The following LTBP1 variants were observed in gnomAD, a reference collection of about 807,000 sequenced individuals.
The protein encoded by LTBP1 is latent transforming growth factor beta binding protein 1.
A neutral mutation model predicts 207.6 loss-of-function variants in LTBP1; 129 were observed. That is an observed-to-expected ratio of 0.62 (90% CI 0.54 to 0.72). The LOEUF (loss-of-function observed/expected upper bound fraction) is 0.72. LTBP1 is among the 30% of genes least tolerant of loss of function. The pLI is 0.00. For missense variants in LTBP1, 2,281 were observed against 2,217.2 expected (o/e 1.03, Z -0.58); for synonymous variants, 963 against 833.7 (o/e 1.16, Z -2.67).
chr2:33,324,394 G>A (rs2094398928), intron 24 of LTBP1, among the ~76,000 whole-genome samples: 1 of 151,640 alleles, frequency 6.6e-6, no homozygotes, highest in Admixed American at 6.6e-5. Context: ...ATGTATGTAT[G>A]TATGTATGTA....
chr2:33,010,976 C>A lies in LTBP1; in HGVS notation c.566-9933C>A, dbSNP rs535776715. On this transcript the variant is annotated intron_variant, in intron 2 of 33. Coordinates refer to ENST00000404816, the MANE Select transcript of LTBP1 (RefSeq NM_206943.4). The stretch of plus-strand genomic sequence containing the variant: ...CCCGTGATCTGCCTGCCTCGACCTC[C>A]CAAGGTGCTGGAATTACAGGGGTGA... Among the ~76,000 whole-genome samples, 4 of 152,230 alleles carry A rather than the reference C, an allele frequency of 2.6e-5. No individual in the cohort carries two copies. The East Asian group carries it at 7.7e-4, about 29-fold the overall frequency.
chr2:33,320,010 G>A (rs2094331072), intron 24 of LTBP1, among the ~76,000 whole-genome samples: 2 of 152,174 alleles, frequency 1.3e-5, no homozygotes. Context: ...CCTTGTCAGT[G>A]AAGAACAGCA....
chr2:33,290,869 A>G (rs1225125885), intron 19 of LTBP1, among the ~76,000 whole-genome samples: 8 of 152,248 alleles, frequency 5.3e-5, no homozygotes. Context: ...AGCTGGATGC[A>G]TGCTTCTACA....
intron 31 of LTBP1, among the ~76,000 whole-genome samples, chr2:33,374,711 T>TG (rs1234785648): frequency 6.6e-6 from 1 of 152,184 alleles, no homozygotes; most frequent in Non-Finnish European, 1.5e-5. Flanking sequence ...CCTCAGCACT[T>TG]GGGAGGCCAA....
rs543773442 is a variant in LTBP1 at position 33,365,413 on chromosome 2, G to T, written c.4621G>T (p.Val1541Leu). ...SDEYVCSRPL[V>L]GKQTTYTECC... ...TGAATACGTGTGTAGCCGGCCTCTT[G>T]TGGGCAAGCAGACAACGTACACTGA... The change falls in exon 31 of 34, where the codon GTG becomes TTG. Residue 1541 changes from valine to leucine, a missense_variant. By Grantham distance (32) the Val-to-Leu change is conservative (BLOSUM62 1). This residue lies in a region of LTBP1 where 1,671 missense variants were observed against 1,634.8 expected (regional missense o/e 1.02). Coordinates refer to ENST00000404816, the MANE Select transcript of LTBP1 (RefSeq NM_206943.4). 6.2e-7 allele frequency: 1 copy of T among 1,614,204 alleles called. No homozygotes were observed. Among genetic ancestry groups the T allele is most frequent in the Non-Finnish European group, 8.5e-7 (1 of 1,180,042 alleles).
chr2:33,074,331 T>C (rs2077961601), intron 3 of LTBP1, among the ~76,000 whole-genome samples: 1 of 152,226 alleles, frequency 6.6e-6, no homozygotes, highest in South Asian at 2.1e-4. Flanking sequence ...CCATCTCTTG[T>C]CATGGCCTTT....
At chr2:33,273,536 A>T (rs2093363457) in intron 15 of LTBP1, 120 bp from the exon 16 acceptor site, 2 of 650,960 alleles carry the variant, frequency 3.1e-6, no homozygotes, top group Non-Finnish European at 2.5e-6. Flanking sequence ...TTGTCTTCTA[A>T]ATGTAGAGCT....
At chr2:33,214,281 G>T (rs1205209544) in intron 7 of LTBP1, among the ~76,000 whole-genome samples, 1 of 152,128 alleles carries the variant, frequency 6.6e-6, no homozygotes, top group African/African-American at 2.4e-5. Flanking sequence ...GTCATTGTTC[G>T]CCTTTCCTCC....
At chr2:32,949,157 T>C (rs1335045518) in intron 2 of LTBP1, among the ~76,000 whole-genome samples, 1 of 152,224 alleles carries the variant, frequency 6.6e-6, no homozygotes, top group Non-Finnish European at 1.5e-5. Context: ...AGAACCGTGC[T>C]GTGCATCCAA....
At chr2:33,053,533 C>T (rs977184496) in intron 3 of LTBP1, among the ~76,000 whole-genome samples, 1 of 152,028 alleles carries the variant, frequency 6.6e-6, no homozygotes, top group Admixed American at 6.6e-5. Context: ...GGCCTCGGCG[C>T]CCAGTCTACT....
intron 5 of LTBP1, among the ~76,000 whole-genome samples, chr2:33,151,821 TTTTGTGTGTGTGTGTG>T (rs1349207927): frequency 0.022 from 3,074 of 140,786 alleles, 47 homozygotes; most frequent in Non-Finnish European, 0.029. Context: ...TAGTATTCCA[TTTTGTGTGTGTGTGTG>T]TGTGTGTGTG....
Position 32,965,048 on chromosome 2 carries a change from C to CA in LTBP1, c.565+16109dup, listed in dbSNP as rs958311795. ...AGCAAGACTATCTTAATAAAAAAAA[C>CA]AAAAAACAAAAACAAACTTTAGTCC... On this transcript the variant is annotated intron_variant, in intron 2 of 33. Coordinates refer to ENST00000404816, the MANE Select transcript of LTBP1 (RefSeq NM_206943.4). 5.0e-4 allele frequency among the ~76,000 whole-genome samples: 76 copies of CA among 152,010 alleles called. No homozygotes were observed. The Middle Eastern group carries it at 0.014, about 27-fold the overall frequency.
chr2:33,343,593 C>T (rs2094660582), intron 25 of LTBP1, among the ~76,000 whole-genome samples: 1 of 152,170 alleles, frequency 6.6e-6, no homozygotes, highest in Non-Finnish European at 1.5e-5. Context: ...TATAGATTGT[C>T]TGTCTTTGAA....
At chr2:33,292,474 T>C (rs2093793574) in intron 19 of LTBP1, among the ~76,000 whole-genome samples, 1 of 152,214 alleles carries the variant, frequency 6.6e-6, no homozygotes, top group Non-Finnish European at 1.5e-5. Context: ...CATAAAATGG[T>C]TGGCCCATAA....
Position 33,226,269 on chromosome 2 carries a change from A to G in LTBP1, c.1876+4118A>G, listed in dbSNP as rs1024644304. 3.3e-5 allele frequency among the ~76,000 whole-genome samples: 5 copies of G among 152,138 alleles called. No individual in the cohort carries two copies. The East Asian group carries it at 9.6e-4, about 29-fold the overall frequency. ...AATGGGTGTCTTATAGACAACATGT[A>G]GTTGAGTCTTGCTTCTTTTCTACAT... On this transcript the variant is annotated intron_variant, in intron 9 of 33. Coordinates refer to ENST00000404816, the MANE Select transcript of LTBP1 (RefSeq NM_206943.4).
intron 26 of LTBP1, among the ~76,000 whole-genome samples, chr2:33,360,055 T>G (rs1046600641): frequency 2.0e-5 from 3 of 152,338 alleles, no homozygotes; most frequent in South Asian, 4.1e-4. Context: ...TGCAACAATT[T>G]AAGTAGTTAG....
intron 3 of LTBP1, among the ~76,000 whole-genome samples, chr2:33,109,294 G>A (rs2080251300): frequency 2.0e-5 from 3 of 152,160 alleles, no homozygotes; most frequent in South Asian, 2.1e-4. Flanking sequence ...CTGCCATGGC[G>A]TCATTTCTTC....
intron 9 of LTBP1, among the ~76,000 whole-genome samples, chr2:33,226,374 G>T (rs1321371306): frequency 6.6e-6 from 1 of 152,158 alleles, no homozygotes; most frequent in Non-Finnish European, 1.5e-5. Flanking sequence ...CCCAAAGTTG[G>T]GGCCTAGCCT....
chr2:33,173,594 C>A (rs1204457696), intron 5 of LTBP1, among the ~76,000 whole-genome samples: 14 of 149,194 alleles, frequency 9.4e-5, no homozygotes, highest in Non-Finnish European at 2.1e-4. Context: ...GAACTGGTAC[C>A]ATTCCTTCTG....
Sources: allele counts gnomAD v4.1 joint callset (sites outside exome capture counted in the v4.1 genomes callset), GRCh38; gene constraint gnomAD v4.1.1; regional missense constraint gnomAD v4.1.1; transcripts MANE v1.5; gene names NCBI Gene and HGNC (gene_info 2026-07-23, HGNC 2026-07-21).